Variants in DOCK1 observed in about 807,000 individuals in gnomAD.
DOCK1 encodes the protein dedicator of cytokinesis 1, also known as dedicator of cytokinesis protein 1.
Under a neutral mutation model 262.7 loss-of-function variants are expected in DOCK1, and 138 were observed. That is an observed-to-expected ratio of 0.53 (90% CI 0.46 to 0.61). The LOEUF (loss-of-function observed/expected upper bound fraction) is 0.61. Ranked by LOEUF, DOCK1 falls within the 20% of genes least tolerant of loss-of-function variation. DOCK1 has a pLI of 0.00. For missense variants in DOCK1, 1,908 were observed against 2,370.7 expected, an observed-to-expected ratio of 0.80 and a Z score of 4.05; for synonymous variants, 866 against 867.4, an observed-to-expected ratio of 1.00 and a Z score of 0.03.
At chr10:127,443,989 T>C (rs572201763) in intron 49 of DOCK1, 137 bp from the exon 50 acceptor site, 1 of 1,180,260 alleles carries the variant, frequency 8.5e-7, no homozygotes, top group South Asian at 1.5e-5. Flanking sequence ...AGCTTGATCA[T>C]TTGCAAAGAC....
chr10:126,965,346 G>A (rs979670772), intron 1 of DOCK1, among the ~76,000 whole-genome samples: 1 of 152,180 alleles, frequency 6.6e-6, no homozygotes, highest in Admixed American at 6.5e-5. Context: ...AGCCGAGGAG[G>A]GTGAGGGGGC....
At chr10:126,981,514 A>G (rs1322895480) in intron 3 of DOCK1, among the ~76,000 whole-genome samples, 1 of 152,236 alleles carries the variant, frequency 6.6e-6, no homozygotes, top group East Asian at 1.9e-4. Flanking sequence ...GTACGTGGTC[A>G]GTGCACAAGG....
intron 15 of DOCK1, among the ~76,000 whole-genome samples, chr10:127,025,419 C>T (rs991631438): frequency 5.3e-5 from 8 of 152,096 alleles, no homozygotes; most frequent in African/African-American, 1.7e-4. Flanking sequence ...AATATAGACC[C>T]TTCCAGGTTG....
chr10:127,136,459 A>C (rs150362471), intron 27 of DOCK1: 90 of 149,172 alleles, frequency 6.0e-4, no homozygotes, highest in African/African-American at 2.2e-3. Context: ...CTCACAAACT[A>C]TTCAAAATTT....
chr10:127,347,153 A>G (rs981826721), intron 31 of DOCK1, among the ~76,000 whole-genome samples: 2 of 152,220 alleles, frequency 1.3e-5, no homozygotes, highest in Non-Finnish European at 2.9e-5. Context: ...TCCTACCCCA[A>G]TGCTTAAATT....
chr10:127,391,923 T>C (rs1279822135), intron 38 of DOCK1, among the ~76,000 whole-genome samples: 2 of 151,720 alleles, frequency 1.3e-5, no homozygotes, highest in African/African-American at 2.4e-5. Context: ...TGCCCAAACC[T>C]CAGGGATTCT....
chr10:127,019,892 G>A (rs913810792), intron 13 of DOCK1, among the ~76,000 whole-genome samples: 13 of 152,198 alleles, frequency 8.5e-5, no homozygotes, highest in African/African-American at 3.1e-4. Flanking sequence ...CATATTCAAC[G>A]CGGCCTCCTT....
At chr10:126,933,823 C>T (rs2034357003) in intron 1 of DOCK1, among the ~76,000 whole-genome samples, 1 of 151,990 alleles carries the variant, frequency 6.6e-6, no homozygotes, top group East Asian at 1.9e-4. Context: ...CTATTTTAAT[C>T]TTTTTTTTGA....
intron 23 of DOCK1, among the ~76,000 whole-genome samples, chr10:127,063,462 C>A (rs149298742): frequency 1.6e-4 from 24 of 151,802 alleles, no homozygotes; most frequent in Admixed American, 3.9e-4. Context: ...CTCTTCACTA[C>A]GATTTCTTGA....
chr10:127,299,356 G>A (rs184906185), intron 29 of DOCK1, among the ~76,000 whole-genome samples: 5 of 152,276 alleles, frequency 3.3e-5, no homozygotes, highest in South Asian at 2.1e-4. Context: ...CACCTGCCTC[G>A]GCCCTCCAAA....
Position 127,404,403 on chromosome 10 carries a change from G to A in DOCK1, c.4096G>A (p.Gly1366Arg), listed in dbSNP as rs767493420. Residue 1366 changes from glycine to arginine, a missense_variant, in exon 40 of 52, where the codon GGA (glycine) becomes AGA (arginine). Coordinates refer to ENST00000623213, the MANE Select transcript of DOCK1 (RefSeq NM_001290223.2). Reference protein sequence around the residue: ...KPDYFAVGYYGQGFPTFLRGK... With the variant: ...KPDYFAVGYYRQGFPTFLRGK... ...TGACTATTTTGCTGTTGGCTACTACGGACAAGGGTTCCCCACATTCCTGCG... is the reference window on the plus strand; with the variant it reads ...TGACTATTTTGCTGTTGGCTACTACAGACAAGGGTTCCCCACATTCCTGCG... The A allele has an allele frequency of 3.7e-6, 6 of 1,613,602 alleles. No individual in the cohort carries two copies. Among genetic ancestry groups the A allele is most frequent in the South Asian group, 1.1e-5 (1 of 90,924 alleles).
intron 29 of DOCK1, among the ~76,000 whole-genome samples, chr10:127,311,268 G>A (rs1441676085): frequency 6.6e-6 from 1 of 152,094 alleles, no homozygotes; most frequent in Non-Finnish European, 1.5e-5. Flanking sequence ...GGAACCTGCA[G>A]AAATTCTCAT....
intron 48 of DOCK1, among the ~76,000 whole-genome samples, chr10:127,435,649 A>G (rs2069636472): frequency 6.6e-6 from 1 of 152,128 alleles, no homozygotes; most frequent in African/African-American, 2.4e-5. Context: ...TAGGGTGGAA[A>G]TTAATGGAGA....
intron 28 of DOCK1, among the ~76,000 whole-genome samples, chr10:127,255,001 G>A (rs568807902): frequency 6.6e-6 from 1 of 152,318 alleles, no homozygotes; most frequent in Admixed American, 6.5e-5. Flanking sequence ...GCACAGGGAT[G>A]GAAAGGTGCA....
intron 25 of DOCK1, among the ~76,000 whole-genome samples, chr10:127,123,254 C>T (rs2049727885): frequency 7.1e-6 from 1 of 140,664 alleles, no homozygotes; most frequent in African/African-American, 2.6e-5. Flanking sequence ...CTAACTGCTG[C>T]CTCTGAGGTT....
intron 47 of DOCK1, among the ~76,000 whole-genome samples, chr10:127,429,189 G>C (rs1278269025): frequency 6.6e-6 from 1 of 152,064 alleles, no homozygotes; most frequent in East Asian, 1.9e-4. Context: ...CTTCTCTGTA[G>C]CACCAGCTGG....
chr10:127,284,684 C>T (rs777364584), intron 29 of DOCK1, among the ~76,000 whole-genome samples: 5 of 152,124 alleles, frequency 3.3e-5, no homozygotes, highest in South Asian at 2.1e-4. Context: ...GGCAGGATTT[C>T]GAAGTTATGG....
chr10:127,203,363 A>T (rs140794500), intron 27 of DOCK1, among the ~76,000 whole-genome samples: 1 of 152,196 alleles, frequency 6.6e-6, no homozygotes, highest in Non-Finnish European at 1.5e-5. Flanking sequence ...CACTGTGCAT[A>T]TAATTCTAAT....
intron 32 of DOCK1, among the ~76,000 whole-genome samples, chr10:127,355,840 T>G (rs970248688): frequency 2.6e-5 from 4 of 152,230 alleles, no homozygotes; most frequent in African/African-American, 7.2e-5. Context: ...CGAGCCACGC[T>G]TCACTTCTAG....
Sources: gnomAD v4.1 joint callset for allele counts (sites outside exome capture counted in the v4.1 genomes callset) on GRCh38, gnomAD v4.1.1 for gene constraint, MANE v1.5 for transcripts, NCBI Gene and HGNC (gene_info 2026-07-23, HGNC 2026-07-21) for gene names.